SNX29: variants seen among roughly 807,000 people sequenced by gnomAD.
SNX29 encodes sorting nexin-29.
Under a neutral mutation model 102.1 loss-of-function variants are expected in SNX29, and 78 were observed. The ratio of observed to expected loss-of-function variants is 0.76; its 90% CI spans 0.64 to 0.92. SNX29 has a LOEUF of 0.92. SNX29 is among the 40% of genes least tolerant of loss of function. The pLI is 0.00. For synonymous variants in SNX29, 580 were observed against 414.5 expected, an observed-to-expected ratio of 1.40 and a Z score of -4.85; for missense variants, 1,280 against 1,061.7, an observed-to-expected ratio of 1.21 and a Z score of -2.86.
At chr16:12,452,096 C>T (rs1315225441) in intron 18 of SNX29, among the ~76,000 whole-genome samples, 1 of 152,160 alleles carries the variant, frequency 6.6e-6, no homozygotes, top group South Asian at 2.1e-4. Flanking sequence ...GGTGCTGGAC[C>T]CACCCTGAGG....
At chr16:12,334,846 G>C (rs533534126) in intron 15 of SNX29, among the ~76,000 whole-genome samples, 4 of 146,394 alleles carry the variant, frequency 2.7e-5, no homozygotes, top group Non-Finnish European at 4.5e-5. Flanking sequence ...TACCTGCCTG[G>C]TCCCTATAGG....
At chr16:12,456,559 C>G (rs2086549349) in intron 18 of SNX29, among the ~76,000 whole-genome samples, 1 of 151,330 alleles carries the variant, frequency 6.6e-6, no homozygotes, top group Non-Finnish European at 1.5e-5. Context: ...TGATGTATAC[C>G]TGGTGGGGCA....
At chr16:12,307,098 A>G (rs2080361924) in intron 15 of SNX29, among the ~76,000 whole-genome samples, 2 of 151,824 alleles carry the variant, frequency 1.3e-5, no homozygotes, top group Admixed American at 1.3e-4. Flanking sequence ...CTTCTTAAAC[A>G]GTTTGTGAAC....
At chr16:12,428,093 G>GTTTCA (rs2085157327) in intron 18 of SNX29, among the ~76,000 whole-genome samples, 2 of 152,136 alleles carry the variant, frequency 1.3e-5, no homozygotes, top group Admixed American at 1.3e-4. Context: ...AATATTCAGG[G>GTTTCA]TTTTATTTTA....
chr16:12,355,130 G>A (rs2082094669), intron 15 of SNX29, among the ~76,000 whole-genome samples: 1 of 152,072 alleles, frequency 6.6e-6, no homozygotes, highest in Non-Finnish European at 1.5e-5. Flanking sequence ...CTGATGAAGG[G>A]GAGCTCAAAT....
At chr16:12,500,775 C>G (rs527807883) in intron 19 of SNX29, among the ~76,000 whole-genome samples, 10 of 152,324 alleles carry the variant, frequency 6.6e-5, no homozygotes, top group Admixed American at 4.6e-4. Context: ...TCACAGGCCC[C>G]CAGGTGGGTT....
At chr16:12,164,435 G>A (rs893452236) in intron 13 of SNX29, among the ~76,000 whole-genome samples, 4 of 152,284 alleles carry the variant, frequency 2.6e-5, no homozygotes, top group South Asian at 2.1e-4. Context: ...CTGTAGGTTC[G>A]TGATTTTGAG....
chr16:12,522,002 G>A (rs970522780), intron 19 of SNX29, among the ~76,000 whole-genome samples: 3 of 152,180 alleles, frequency 2.0e-5, no homozygotes, highest in Admixed American at 6.5e-5. Context: ...CACCGAGGCC[G>A]CTCATCGGAG....
chr16:12,314,016 C>T (rs73506185), intron 15 of SNX29, among the ~76,000 whole-genome samples: 4,722 of 152,310 alleles, frequency 0.031, 246 homozygotes, highest in African/African-American at 0.11. Flanking sequence ...GTCAAGGTCT[C>T]ACTCTCTTGC....
At chr16:12,116,394 G>A (rs142694696) in intron 11 of SNX29, among the ~76,000 whole-genome samples, 32 of 152,342 alleles carry the variant, frequency 2.1e-4, no homozygotes, top group African/African-American at 7.0e-4. Flanking sequence ...ATGAGGGGCC[G>A]GGCGCAGTGG....
At chr16:12,235,699 A>T (rs2077905890) in intron 14 of SNX29, among the ~76,000 whole-genome samples, 1 of 151,894 alleles carries the variant, frequency 6.6e-6, no homozygotes, top group African/African-American at 2.4e-5. Context: ...TTGCATCCAC[A>T]TTTTTTTTAT....
intron 13 of SNX29, among the ~76,000 whole-genome samples, chr16:12,167,638 G>A (rs1321707807): frequency 6.6e-6 from 1 of 152,090 alleles, no homozygotes; most frequent in Non-Finnish European, 1.5e-5. Flanking sequence ...GTGTGTTTCA[G>A]ACATTCTTTT....
chr16:12,255,220 G>C (rs1596646938), intron 14 of SNX29, among the ~76,000 whole-genome samples: 1 of 152,050 alleles, frequency 6.6e-6, no homozygotes, highest in Middle Eastern at 3.4e-3. Flanking sequence ...TTTTGAGACT[G>C]AGTCTTGGTG....
At chr16:12,219,949 C>G (rs1404743835) in intron 14 of SNX29, among the ~76,000 whole-genome samples, 1 of 152,130 alleles carries the variant, frequency 6.6e-6, no homozygotes, top group Non-Finnish European at 1.5e-5. Flanking sequence ...CGTGCACGTG[C>G]ACGCACACAC....
At chr16:12,402,347 G>A (rs192287007) in intron 17 of SNX29, among the ~76,000 whole-genome samples, 3 of 152,330 alleles carry the variant, frequency 2.0e-5, no homozygotes, top group Admixed American at 1.3e-4. Flanking sequence ...CATCACCGGT[G>A]TCTCAAATTG....
At chr16:12,254,420 C>T (rs920716375) in intron 14 of SNX29, among the ~76,000 whole-genome samples, 7 of 152,180 alleles carry the variant, frequency 4.6e-5, no homozygotes, top group South Asian at 2.1e-4. Flanking sequence ...GAGGCCAAGG[C>T]GGGCAGATCA....
Position 12,042,824 on chromosome 16 carries a change from G to A in SNX29, c.248-73G>A, listed in dbSNP as rs79668615. 1,878 of 1,486,594 alleles carry A rather than the reference G, an allele frequency of 1.3e-3. 36 individuals carry two copies. The East Asian group carries it at 0.039, about 31-fold the overall frequency. The allele number at this position is 1,486,594 out of a possible 1,614,324, so 92.1% of individuals were successfully genotyped here. ...GTTACAATCTCCAACTTCGCCTAGA[G>A]GCTTTGTGTGTTCCTCTCCCAGTGC... is the stretch of plus-strand genomic sequence containing the variant. On this transcript the variant is annotated intron_variant, in intron 4 of 20. Transcript: ENST00000566228.
intron 1 of SNX29, among the ~76,000 whole-genome samples, chr16:11,998,745 G>C (rs1338332118): frequency 6.6e-6 from 1 of 152,198 alleles, no homozygotes; most frequent in Non-Finnish European, 1.5e-5. Context: ...TCATTGGCCA[G>C]ACTGCTTAAG....
At chr16:12,448,868 C>G (rs763047608) in intron 18 of SNX29, among the ~76,000 whole-genome samples, 1 of 152,132 alleles carries the variant, frequency 6.6e-6, no homozygotes, top group Middle Eastern at 3.2e-3. Flanking sequence ...CTTTCTTTGC[C>G]TTTTGGACGG....
Sources: gnomAD v4.1 joint callset for allele counts (sites outside exome capture counted in the v4.1 genomes callset) on GRCh38, gnomAD v4.1.1 for gene constraint, MANE v1.5 for transcripts, NCBI Gene and HGNC (gene_info 2026-07-23, HGNC 2026-07-21) for gene names.